RTKN: variants seen among roughly 807,000 people sequenced by gnomAD.
The protein encoded by RTKN is rhotekin.
In RTKN, 49 loss-of-function variants were observed where a neutral mutation model predicts 63.5. That is an observed-to-expected ratio of 0.77 (90% CI 0.61 to 0.98). The LOEUF is 0.98. Ranked by LOEUF, RTKN falls within the 50% of genes least tolerant of loss-of-function variation. The probability of loss-of-function intolerance (pLI) is 0.00; values close to 1 mark genes in which losing one functional copy is unlikely to be tolerated. For missense variants in RTKN, 685 were observed against 740.8 expected (o/e 0.92, Z 0.87); for synonymous variants, 295 against 290.4 (o/e 1.02, Z -0.16).
Position 74,430,498 on chromosome 2 carries a change from A to C in RTKN, c.394T>G (p.Trp132Gly). Residue 132 changes from tryptophan (W) to glycine (G), a missense_variant, in exon 4 of 12, where the codon TGG (tryptophan) becomes GGG (glycine). Trp to Gly is a radical substitution (Grantham distance 184). Coordinates refer to ENST00000272430, the MANE Select transcript of RTKN (RefSeq NM_001015055.2). Reference sequence around the variant, plus strand: ...TTCTTGAAATATTCTGTGTCCTTCCACATGAGTGGAATCCGGAGGTCTAAG... The same window carrying C: ...TTCTTGAAATATTCTGTGTCCTTCCCCATGAGTGGAATCCGGAGGTCTAAG... Reference protein sequence around the residue: ...CISDLRIPLMWKDTEYFKNKG... With the variant: ...CISDLRIPLMGKDTEYFKNKG... The C allele has an allele frequency of 6.2e-7, 1 of 1,614,220 alleles. No homozygotes were observed. The highest frequency in any genetic ancestry group is 8.5e-7 in the Non-Finnish European group (1 of 1,180,036).
In RTKN at chr2:74,434,422, G is replaced by A. The variant is rs139692245; in HGVS notation, c.112-1756C>T. Reference sequence around the variant, plus strand: ...AGCCTCCGGAGTAGCTGGGATTACAGGTGTGAGCCACCACACCCAGCTAAT... The same window carrying A: ...AGCCTCCGGAGTAGCTGGGATTACAAGTGTGAGCCACCACACCCAGCTAAT... On this transcript the variant is annotated intron_variant, in intron 1 of 11. Coordinates refer to ENST00000272430, the MANE Select transcript of RTKN (RefSeq NM_001015055.2). Among the ~76,000 whole-genome samples, 1,269 of 152,128 alleles carry A rather than the reference G, an allele frequency of 8.3e-3. 13 individuals are homozygous for A. Among genetic ancestry groups the A allele is most frequent in the African/African-American group, 0.016 (657 of 41,508 alleles).
chr2:74,427,744 C>A, intron 9 of RTKN, 152 bp from the exon 10 acceptor site: 2 of 739,718 alleles, frequency 2.7e-6, no homozygotes, highest in Admixed American at 2.9e-5. Flanking sequence ...GAAGGAATGG[C>A]AAAAAAGGGC....
rs184460761 is a variant in RTKN, at chr2:74,428,477, G to A, written c.958-81C>T. 18 of 1,608,460 alleles carry A rather than the reference G, an allele frequency of 1.1e-5. No individual in the cohort carries two copies. The Admixed American group carries it at 1.2e-4, about 10-fold the overall frequency. On this transcript the variant is annotated intron_variant, in intron 8 of 11. Transcript: ENST00000272430. ...CTCAGCCCCCCATGAGAACCTGTTC[G>A]TTTTGTCCACCCTGCTGTCCATTCC...
rs758945641 is a variant in RTKN, at chr2:74,430,363, T to C, written c.434A>G (p.His145Arg). 2.2e-5 allele frequency: 36 copies of C among 1,614,026 alleles called. No homozygotes were observed. Among genetic ancestry groups the C allele is most frequent in the Non-Finnish European group, 3.1e-5 (36 of 1,179,994 alleles). ...TEYFKNKGDL[H>R]RWAVFLLLQL... ...CAGCAGCAGGAACACAGCCCAGCGG[T>C]GCAAGTCTGGGGACAAAGGGCAAAA... The change falls in exon 5 of 12, where the codon CAC (histidine) becomes CGC (arginine). Residue 145 changes from histidine to arginine, a missense_variant. By Grantham distance (29) the His-to-Arg change is conservative (BLOSUM62 0). Coordinates refer to ENST00000272430, the MANE Select transcript of RTKN (RefSeq NM_001015055.2).
intron 11 of RTKN, 91 bp from the exon 12 acceptor site, chr2:74,426,665 G>A: frequency 6.8e-7 from 1 of 1,467,856 alleles, no homozygotes; most frequent in Admixed American, 2.7e-5. Context: ...CACTGTAATA[G>A]GAGGAAAGCA....
Position 74,429,902 on chromosome 2 carries a change from C to T in RTKN, c.681G>A (p.Arg227=), listed in dbSNP as rs1670642328. The T allele has an allele frequency of 6.2e-7, 1 of 1,614,250 alleles. No homozygotes were observed. The highest frequency in any genetic ancestry group is 8.5e-7 in the Non-Finnish European group (1 of 1,180,036). The change falls in exon 6 of 12, where the codon AGG becomes AGA. Residue 227 remains arginine (R), a synonymous_variant. Transcript: ENST00000272430. ...CACTGTCCAGCGATGCCCGGACACG[C>T]CTCCCTGAGGAGCGGCCCAGGGAGC... ...LSSSLGRSSG[R]RVRASLDSAG... is the part of the protein sequence containing the mutation.
chr2:74,426,297 G>C lies in RTKN; in HGVS notation c.1638C>G (p.Thr546=), dbSNP rs1387949884. 6.2e-7 allele frequency: 1 copy of C among 1,614,050 alleles called. No homozygotes were observed. The highest frequency in any genetic ancestry group is 1.3e-5 in the African/African-American group (1 of 75,056). ...GTTGGCCTTTGCTGCAGAGGCCTCT[G>C]GTCCGTGGGGATCGCTGAGGTGGGA... ...APLPPQRSPR[T]RGLCSKGQPR... The change falls in exon 12 of 12, where the codon ACC becomes ACG. Residue 546 remains threonine, a synonymous_variant. Transcript: ENST00000272430.
chr2:74,437,072 T>C (rs759478820), intron 1 of RTKN, among the ~76,000 whole-genome samples: 1 of 152,208 alleles, frequency 6.6e-6, no homozygotes, highest in African/African-American at 2.4e-5. Context: ...CTTCCTGCTC[T>C]GCTTCTCACT....
At position 74,436,311 on chromosome 2, in the gene RTKN, C is replaced by T. The variant is rs1671058395; in HGVS notation, c.112-3645G>A. On this transcript the variant is annotated intron_variant, in intron 1 of 11. Coordinates refer to ENST00000272430, the MANE Select transcript of RTKN (RefSeq NM_001015055.2). This position sits in a 1 kb window ranked among gnomAD's most constrained non-coding sequence, Gnocchi z 4.3. ...CCGCGGGAAATCGGAGGAGCCAGGGCGCCAGCATAGCTGCACCGCCTCCAG... is the reference window on the plus strand; with the variant it reads ...CCGCGGGAAATCGGAGGAGCCAGGGTGCCAGCATAGCTGCACCGCCTCCAG... Among the ~76,000 whole-genome samples the T allele has an allele frequency of 6.6e-6, 1 of 152,246 alleles. No individual in the cohort carries two copies. Among genetic ancestry groups the T allele is most frequent in the African/African-American group, 2.4e-5 (1 of 41,462 alleles).
intron 1 of RTKN, among the ~76,000 whole-genome samples, chr2:74,433,732 A>G (rs1670897888): frequency 6.6e-6 from 1 of 152,110 alleles, no homozygotes; most frequent in Non-Finnish European, 1.5e-5. Context: ...TGACCTTGTG[A>G]TCCGCCCACC....
intron 1 of RTKN, among the ~76,000 whole-genome samples, chr2:74,437,541 T>C (rs1363528766): frequency 6.6e-6 from 1 of 152,176 alleles, no homozygotes; most frequent in Admixed American, 6.5e-5. Flanking sequence ...GAGGGTAGGA[T>C]GCAGAATTTA....
At chr2:74,427,797 G>A in intron 9 of RTKN, 2 of 579,442 alleles carry the variant, frequency 3.5e-6, no homozygotes, top group South Asian at 2.3e-5. Flanking sequence ...AGGAGGAGCA[G>A]CTTGAGACAG....
At chr2:74,429,513 C>T (rs1227038281) in intron 6 of RTKN, among the ~76,000 whole-genome samples, 1 of 152,058 alleles carries the variant, frequency 6.6e-6, no homozygotes, top group Non-Finnish European at 1.5e-5. Flanking sequence ...TCACTTGAGC[C>T]CAGGAGTTCG....
Position 74,432,644 on chromosome 2 carries a change from A to G in RTKN, c.134T>C (p.Leu45Pro). ...TTCCCTCATCCGGATCTCATGGTCT[A>G]GCTTCCTCTGCAACTCCGTGTCCTA... The part of the protein sequence containing the change: ...LPEDTELQRK[L>P]DHEIRMREGA... The change falls in exon 2 of 12, where the codon CTA (leucine) becomes CCA (proline). Residue 45 changes from leucine (L) to proline (P), a missense_variant. Physicochemically the swap from Leu to Pro is moderately conservative, Grantham distance 98. Transcript: ENST00000272430. The G allele has an allele frequency of 6.2e-7, 1 of 1,614,194 alleles. No individual in the cohort carries two copies. Among genetic ancestry groups the G allele is most frequent in the East Asian group, 2.2e-5 (1 of 44,884 alleles).
intron 9 of RTKN, 181 bp downstream of exon 9, chr2:74,428,087 G>A (rs1221298168): frequency 1.1e-5 from 8 of 710,146 alleles, no homozygotes; most frequent in Admixed American, 5.6e-5. Flanking sequence ...TGAATGGGAC[G>A]ATCCTCTCAC....
rs1167871704 is a variant in RTKN at position 74,428,753 on chromosome 2, G to A, written c.851-16C>T. On this transcript the variant is annotated splice_polypyrimidine_tract_variant and intron_variant, in intron 7 of 11. Coordinates refer to ENST00000272430, the MANE Select transcript of RTKN (RefSeq NM_001015055.2). The stretch of plus-strand genomic sequence containing the variant: ...GGGTTCTCCTCTGGGGGAGGAGGAA[G>A]TGCAGGGTGAGGTAGGGGAATGAGA... The A allele has an allele frequency of 1.9e-6, 3 of 1,611,360 alleles. No homozygotes were observed. In the South Asian group the frequency reaches 3.3e-5, roughly 18 times the overall value.
chr2:74,426,678 G>A, intron 11 of RTKN, 104 bp from the exon 12 acceptor site: 2 of 1,446,576 alleles, frequency 1.4e-6, no homozygotes, highest in South Asian at 3.1e-5. Context: ...GGAAAGCAAA[G>A]CCTGGATCTC....
rs192758376 is a variant in RTKN at position 74,432,442 on chromosome 2, G to A, written c.311+25C>T. ...ACCCAGAAGGCCTCCTGCCTCCATC[G>A]AGGCCTCGTCTCCCCCTTGCTCACC... On this transcript the variant is annotated intron_variant, in intron 2 of 11. Transcript: ENST00000272430. 250 of 1,601,934 alleles carry A rather than the reference G, an allele frequency of 1.6e-4. 2 individuals carry two copies. The African/African-American group carries it at 3.0e-3, about 19-fold the overall frequency.
intron 10 of RTKN, 67 bp downstream of exon 10, chr2:74,427,357 G>A (rs139149324): frequency 3.9e-5 from 63 of 1,606,218 alleles, no homozygotes; most frequent in Non-Finnish European, 5.3e-5. Context: ...TTGAAACAGA[G>A]GCCTTTAGTA....
Sources: gnomAD v4.1 joint callset for allele counts (sites outside exome capture counted in the v4.1 genomes callset) on GRCh38, gnomAD v4.1.1 for gene constraint, Gnocchi (gnomAD v3.1) non-coding constraint, MANE v1.5 for transcripts, NCBI Gene and HGNC (gene_info 2026-07-23, HGNC 2026-07-21) for gene names.